TBC1D22A: variants seen among roughly 807,000 people sequenced by gnomAD.
The protein encoded by TBC1D22A is putative GTPase activator.
A neutral mutation model predicts 60.2 loss-of-function variants in TBC1D22A; 38 were observed. That is an observed-to-expected ratio of 0.63 (90% confidence interval 0.49 to 0.83). The LOEUF is 0.83. Ranked by LOEUF, TBC1D22A falls within the 40% of genes least tolerant of loss-of-function variation. The pLI is 0.00. For missense variants in TBC1D22A, 628 were observed against 701.0 expected, an observed-to-expected ratio of 0.90 and a Z score of 1.18; for synonymous variants, 302 against 281.7, an observed-to-expected ratio of 1.07 and a Z score of -0.72.
intron 12 of TBC1D22A, among the ~76,000 whole-genome samples, chr22:47,163,103 A>G (rs1437943228): frequency 1.3e-5 from 2 of 152,184 alleles, no homozygotes; most frequent in Admixed American, 1.3e-4. Flanking sequence ...GCCAGTGGCC[A>G]GGGTGGGCAG....
At chr22:46,980,219 G>C (rs2074460263) in intron 9 of TBC1D22A, among the ~76,000 whole-genome samples, 2 of 152,232 alleles carry the variant, frequency 1.3e-5, no homozygotes, top group African/African-American at 4.8e-5. Flanking sequence ...GTCTCGCTCT[G>C]TTGCACAGGT....
At chr22:47,052,499 C>T (rs984071927) in intron 11 of TBC1D22A, among the ~76,000 whole-genome samples, 1 of 152,146 alleles carries the variant, frequency 6.6e-6, no homozygotes, top group African/African-American at 2.4e-5. Context: ...GCATTGTGTA[C>T]AGAGAGAGGA....
intron 4 of TBC1D22A, among the ~76,000 whole-genome samples, chr22:46,815,206 C>G (rs528008412): frequency 6.6e-6 from 1 of 152,298 alleles, no homozygotes; most frequent in East Asian, 1.9e-4. Flanking sequence ...TGAACACTTC[C>G]TTGTGTATTT....
In TBC1D22A at chr22:47,174,418, G is replaced by C. The variant is rs2068602531; in HGVS notation, c.*792G>C. 1 of 152,298 alleles carries C rather than the reference G, an allele frequency of 6.6e-6. No individual in the cohort carries two copies. Among genetic ancestry groups the C allele is most frequent in the East Asian group, 1.9e-4 (1 of 5,192 alleles). 9.4% of individuals were successfully genotyped at this position (152,298 alleles called of 1,614,324 possible). A position where few individuals can be genotyped will look rare whatever the true frequency, so the allele number is the denominator to read the frequency against. On this transcript the variant is annotated 3_prime_UTR_variant, in exon 13 of 13. Transcript: ENST00000337137. ...GCCGGCCTCAGCCAGAGCCCCTGGAGGCCCACCCAGGCTGTCGGGCCATGT... is the reference window on the plus strand; with the variant it reads ...GCCGGCCTCAGCCAGAGCCCCTGGACGCCCACCCAGGCTGTCGGGCCATGT...
At chr22:47,158,353 C>T (rs1350262440) in intron 12 of TBC1D22A, among the ~76,000 whole-genome samples, 1 of 152,222 alleles carries the variant, frequency 6.6e-6, no homozygotes, top group Non-Finnish European at 1.5e-5. Context: ...TTCTTTAGCA[C>T]TGTCATTCGT....
At chr22:47,151,336 C>T (rs769310789) in intron 12 of TBC1D22A, among the ~76,000 whole-genome samples, 2 of 152,226 alleles carry the variant, frequency 1.3e-5, no homozygotes, top group Non-Finnish European at 2.9e-5. Flanking sequence ...CTTTCCAGAT[C>T]GCAGCCCCAC....
At chr22:47,105,034 T>C (rs953816332) in intron 11 of TBC1D22A, among the ~76,000 whole-genome samples, 3 of 152,080 alleles carry the variant, frequency 2.0e-5, no homozygotes, top group Admixed American at 1.3e-4. Context: ...CCTGACCCCC[T>C]TGGGCACATG....
In TBC1D22A at chr22:46,890,084, G is replaced by A. The variant is rs574244950; in HGVS notation, c.709-1182G>A. Among the ~76,000 whole-genome samples the A allele has an allele frequency of 5.3e-5, 8 of 152,308 alleles. No homozygotes were observed. The South Asian group carries it at 8.3e-4, about 16-fold the overall frequency. Reference sequence around the variant, plus strand: ...AAAAAAGGCCGGCACGGTGGCCCACGCCTGTAATCCCAGCACTTTGGGAGG... The same window carrying A: ...AAAAAAGGCCGGCACGGTGGCCCACACCTGTAATCCCAGCACTTTGGGAGG... On this transcript the variant is annotated intron_variant, in intron 5 of 12. Coordinates refer to ENST00000337137, the MANE Select transcript of TBC1D22A (RefSeq NM_014346.5).
chr22:46,891,385 A>G lies in TBC1D22A; in HGVS notation c.828A>G (p.Thr276=). 2.5e-6 allele frequency: 4 copies of G among 1,607,388 alleles called. No individual in the cohort carries two copies. Among genetic ancestry groups the G allele is most frequent in the Non-Finnish European group, 2.5e-6 (3 of 1,178,032 alleles). ...GGAACGACGAAGTTCACCAGGACAC[A>G]TACAGGCAGGTGGGAATCCTTTCTT... ...DSRNDEVHQD[T]YRQIHIDIPR... Residue 276 remains threonine (T), a synonymous_variant, in exon 6 of 13, where the codon ACA becomes ACG. Coordinates refer to ENST00000337137, the MANE Select transcript of TBC1D22A (RefSeq NM_014346.5).
chr22:46,941,524 A>G (rs1031187838), intron 8 of TBC1D22A, among the ~76,000 whole-genome samples: 1 of 140,948 alleles, frequency 7.1e-6, no homozygotes, highest in South Asian at 2.1e-4. Context: ...ATATATATAC[A>G]CGGAATATAT....
At chr22:46,787,824 T>G (rs2084225048) in intron 1 of TBC1D22A, among the ~76,000 whole-genome samples, 1 of 152,034 alleles carries the variant, frequency 6.6e-6, no homozygotes, top group Non-Finnish European at 1.5e-5. Context: ...AATGTTGGAA[T>G]TTGGGGGAAG....
At chr22:47,163,481 G>A (rs891718725) in intron 12 of TBC1D22A, among the ~76,000 whole-genome samples, 2 of 152,246 alleles carry the variant, frequency 1.3e-5, no homozygotes, top group African/African-American at 4.8e-5. Context: ...AAGGTGGTAG[G>A]GTCGGTGTGT....
At chr22:46,947,320 G>T (rs937689259) in intron 8 of TBC1D22A, among the ~76,000 whole-genome samples, 3 of 152,030 alleles carry the variant, frequency 2.0e-5, no homozygotes, top group Admixed American at 2.0e-4. Flanking sequence ...GGCTAAGGGT[G>T]GTTGAAGTCA....
intron 11 of TBC1D22A, among the ~76,000 whole-genome samples, chr22:47,067,284 A>C (rs1363488295): frequency 2.0e-5 from 3 of 152,212 alleles, no homozygotes; most frequent in Non-Finnish European, 4.4e-5. Flanking sequence ...CCCCCATTTT[A>C]ACCACTCTGT....
rs551800505 is a variant in TBC1D22A at position 47,137,532 on chromosome 22, G to A, written c.1425+25929G>A. Among the ~76,000 whole-genome samples, 3 of 152,250 alleles carry A rather than the reference G, an allele frequency of 2.0e-5. No individual in the cohort carries two copies. In the South Asian group the frequency reaches 6.2e-4, roughly 32 times the overall value. ...CTTTCCTAGGTCTCCCTGACTGCAGGGGTGCTGGATACCTCTGCCCAAAGC... is the reference window on the plus strand; with the variant it reads ...CTTTCCTAGGTCTCCCTGACTGCAGAGGTGCTGGATACCTCTGCCCAAAGC... On this transcript the variant is annotated intron_variant, in intron 12 of 12. Coordinates refer to ENST00000337137, the MANE Select transcript of TBC1D22A (RefSeq NM_014346.5).
chr22:46,797,002 C>T (rs570634632), intron 3 of TBC1D22A, among the ~76,000 whole-genome samples: 5 of 152,340 alleles, frequency 3.3e-5, no homozygotes, highest in African/African-American at 1.2e-4. Context: ...CTTCTGTCCT[C>T]AGCACCTCTG....
intron 7 of TBC1D22A, among the ~76,000 whole-genome samples, chr22:46,911,421 C>T (rs1034743033): frequency 2.6e-5 from 4 of 152,176 alleles, no homozygotes; most frequent in Admixed American, 6.5e-5. Context: ...CTCATCTGCT[C>T]GCCTGCTCAC....
At chr22:47,090,202 C>T (rs369099657) in intron 11 of TBC1D22A, among the ~76,000 whole-genome samples, 57 of 152,290 alleles carry the variant, frequency 3.7e-4, no homozygotes, top group East Asian at 1.9e-3. Flanking sequence ...ATGAAGATTC[C>T]GGGGCTTGCC....
intron 4 of TBC1D22A, among the ~76,000 whole-genome samples, chr22:46,809,780 C>T (rs1464883279): frequency 6.6e-6 from 1 of 152,136 alleles, no homozygotes; most frequent in Admixed American, 6.5e-5. Flanking sequence ...AGCAGGGAGC[C>T]CTGCCCGGCT....
Sources: gnomAD v4.1 joint callset for allele counts (sites outside exome capture counted in the v4.1 genomes callset) on GRCh38, gnomAD v4.1.1 for gene constraint, MANE v1.5 for transcripts, NCBI Gene and HGNC (gene_info 2026-07-23, HGNC 2026-07-21) for gene names.